The following IRGC variants were observed in gnomAD, a reference collection of about 807,000 sequenced individuals.
IRGC encodes immunity related GTPase cinema, also known as interferon-inducible GTPase 5.
Under a neutral mutation model 16.1 loss-of-function variants are expected in IRGC, and 4 were observed. The ratio of observed to expected loss-of-function variants is 0.25; its 90% CI spans 0.12 to 0.57. IRGC has a LOEUF of 0.57. IRGC is among the 20% of genes least tolerant of loss of function. The pLI, the probability that IRGC is intolerant of heterozygous loss-of-function variation, is 0.92. For missense variants in IRGC, 570 were observed against 643.9 expected, an observed-to-expected ratio of 0.89 and a Z score of 1.24; for synonymous variants, 307 against 299.5, an observed-to-expected ratio of 1.03 and a Z score of -0.26.
intron 1 of IRGC, 28 bp from the exon 2 acceptor site, chr19:43,718,465 G>A (rs761486353): frequency 6.7e-7 from 1 of 1,497,044 alleles, no homozygotes; most frequent in Non-Finnish European, 8.9e-7. Flanking sequence ...GGCCCAGGAG[G>A]TGTGAATGGC....
rs1968231105 is a variant in IRGC at position 43,719,327 on chromosome 19, CAGA to C, written c.778_780del (p.Lys260del). On this transcript the variant is annotated inframe_deletion, in exon 2 of 2. Coordinates refer to ENST00000244314, the MANE Select transcript of IRGC (RefSeq NM_019612.4). ...CCCCGACATCTCGCTGGAGGCCTTG[CAGA>C]AGAAGAAGGCCATGCTTCAAGAGCA... The C allele has an allele frequency of 1.9e-6, 3 of 1,611,372 alleles. No individual in the cohort carries two copies. The highest frequency in any genetic ancestry group is 1.3e-5 in the African/African-American group (1 of 75,042).
intron 1 of IRGC, among the ~76,000 whole-genome samples, chr19:43,717,867 A>G (rs1968194267): frequency 6.6e-6 from 1 of 152,188 alleles, no homozygotes; most frequent in Admixed American, 6.5e-5. Flanking sequence ...CGGAAGTTCA[A>G]GACCAGCTGG....
chr19:43,716,680 G>C (rs997651088), intron 1 of IRGC, among the ~76,000 whole-genome samples: 2 of 152,166 alleles, frequency 1.3e-5, no homozygotes, highest in African/African-American at 4.8e-5. Flanking sequence ...GGGGTGGAGT[G>C]GGGTAGCAGA....
chr19:43,718,659 G>A lies in IRGC; in HGVS notation c.101G>A (p.Gly34Asp). Residue 34 changes from glycine to aspartate, a missense_variant, in exon 2 of 2, where the codon GGT (glycine) becomes GAT (aspartate). Gly to Asp is a moderately conservative substitution (Grantham distance 94, BLOSUM62 -1). Transcript: ENST00000244314. ...LEALRTAFESGDLPQAASHLQ... is the reference protein window; with the variant it reads ...LEALRTAFESDDLPQAASHLQ... Reference sequence around the variant, plus strand: ...GCCCTGCGCACAGCCTTTGAGTCGGGTGACCTCCCCCAGGCCGCCTCTCAC... The same window carrying A: ...GCCCTGCGCACAGCCTTTGAGTCGGATGACCTCCCCCAGGCCGCCTCTCAC... The A allele has an allele frequency of 2.5e-6, 4 of 1,613,626 alleles. No individual in the cohort carries two copies. Among genetic ancestry groups the A allele is most frequent in the Non-Finnish European group, 3.4e-6 (4 of 1,180,018 alleles).
chr19:43,717,145 T>A (rs1312511135), intron 1 of IRGC, among the ~76,000 whole-genome samples: 1 of 151,932 alleles, frequency 6.6e-6, no homozygotes, highest in African/African-American at 2.4e-5. Flanking sequence ...AAATGACTCC[T>A]GGTGTCCAGG....
intron 1 of IRGC, among the ~76,000 whole-genome samples, chr19:43,717,670 T>C (rs1968191443): frequency 6.6e-6 from 1 of 152,232 alleles, no homozygotes; most frequent in Non-Finnish European, 1.5e-5. Context: ...TGAATGGGCC[T>C]GTACCACCCT....
At chr19:43,717,361 T>G (rs1440348026) in intron 1 of IRGC, among the ~76,000 whole-genome samples, 1 of 152,116 alleles carries the variant, frequency 6.6e-6, no homozygotes, top group Non-Finnish European at 1.5e-5. Context: ...ATAATGACGA[T>G]GATGGTGATG....
chr19:43,719,708 A>G lies in IRGC; in HGVS notation c.1150A>G (p.Met384Val). Residue 384 changes from methionine to valine, a missense_variant, in exon 2 of 2, where the codon ATG becomes GTG. Met to Val is a conservative substitution (Grantham distance 21, BLOSUM62 1). Transcript: ENST00000244314. ...CATCAGCTTTGGCGCTGTCTACACC[A>G]TGCTCCAGGGCTGCCTCAACGAGAT... ...GGISFGAVYT[M>V]LQGCLNEMAE... The G allele has an allele frequency of 3.1e-6, 5 of 1,612,776 alleles. No individual in the cohort carries two copies. The highest frequency in any genetic ancestry group is 4.2e-6 in the Non-Finnish European group (5 of 1,179,780).
intron 1 of IRGC, 62 bp from the exon 2 acceptor site, chr19:43,718,431 C>T: frequency 6.9e-7 from 1 of 1,457,814 alleles, no homozygotes; most frequent in Non-Finnish European, 9.0e-7. Flanking sequence ...TCCGTGGTAT[C>T]TGTCTCTCCC....
In IRGC at chr19:43,719,955, T is replaced by C. The variant is rs757791365; in HGVS notation, c.*5T>C. ...CACGACTCAGAAGAGAAATAAAGAG[T>C]GCAGCCCCGCCCCCCTGCCTCACCC... is the stretch of plus-strand genomic sequence containing the variant. On this transcript the variant is annotated 3_prime_UTR_variant, in exon 2 of 2. Coordinates refer to ENST00000244314, the MANE Select transcript of IRGC (RefSeq NM_019612.4). 1.9e-6 allele frequency: 3 copies of C among 1,612,014 alleles called. No individual in the cohort carries two copies. Among genetic ancestry groups the C allele is most frequent in the Non-Finnish European group, 2.5e-6 (3 of 1,179,894 alleles).
Position 43,716,904 on chromosome 19 carries a change from G to A in IRGC, c.-67+762G>A, listed in dbSNP as rs114276411. 4.1e-3 allele frequency among the ~76,000 whole-genome samples: 622 copies of A among 152,284 alleles called. 3 individuals are homozygous for A. Among genetic ancestry groups the A allele is most frequent in the African/African-American group, 0.014 (591 of 41,550 alleles). On this transcript the variant is annotated intron_variant, in intron 1 of 1. Coordinates refer to ENST00000244314, the MANE Select transcript of IRGC (RefSeq NM_019612.4). Reference sequence around the variant, plus strand: ...CTTCTCCCTGTCAAATGGGGACAGTGATCCCAGACATGAGCAGCTCTCCCA... The same window carrying A: ...CTTCTCCCTGTCAAATGGGGACAGTAATCCCAGACATGAGCAGCTCTCCCA...
chr19:43,718,768 C>T lies in IRGC; in HGVS notation c.210C>T (p.Leu70=). The change falls in exon 2 of 2, where the codon CTC becomes CTT. Residue 70 remains leucine (L), a synonymous_variant. Transcript: ENST00000244314. ...TGESGAGKSS[L]INALRGLEAE... is the part of the protein sequence containing the mutation. Reference sequence around the variant, plus strand: ...AGTCGGGCGCGGGCAAGTCCTCCCTCATCAATGCCCTGCGTGGCCTGGAGG... The same window carrying T: ...AGTCGGGCGCGGGCAAGTCCTCCCTTATCAATGCCCTGCGTGGCCTGGAGG... The T allele has an allele frequency of 6.2e-7, 1 of 1,612,944 alleles. No individual in the cohort carries two copies. Among genetic ancestry groups the T allele is most frequent in the South Asian group, 1.1e-5 (1 of 91,048 alleles).
rs1968245940 is a variant in IRGC at position 43,719,848 on chromosome 19, G to A, written c.1290G>A (p.Glu430=). The change falls in exon 2 of 2, where the codon GAG becomes GAA. Residue 430 remains glutamate, a synonymous_variant. Coordinates refer to ENST00000244314, the MANE Select transcript of IRGC (RefSeq NM_019612.4). The part of the protein sequence containing the change: ...DNGVEKGGSG[E]GGGEEAPLST... The stretch of plus-strand genomic sequence containing the variant: ...GCGTGGAAAAGGGGGGCTCCGGGGA[G>A]GGAGGTGGGGAGGAAGCCCCACTCT... 8 of 1,614,020 alleles carry A rather than the reference G, an allele frequency of 5.0e-6. No individual in the cohort carries two copies. Among genetic ancestry groups the A allele is most frequent in the East Asian group, 2.2e-5 (1 of 44,882 alleles).
chr19:43,716,638 G>A (rs73935063), intron 1 of IRGC, among the ~76,000 whole-genome samples: 2,385 of 152,230 alleles, frequency 0.016, 59 homozygotes, highest in African/African-American at 0.052. Context: ...ATGCCCAGCC[G>A]GGAACAATGT....
rs199780198 is a variant in IRGC at position 43,719,298 on chromosome 19, C to T, written c.740C>T (p.Ser247Leu). The stretch of plus-strand genomic sequence containing the variant: ...CACCGGCGCCACGCTGGCCTGCTGT[C>T]GCTCCCCGACATCTCGCTGGAGGCC... ...PSHRRHAGLL[S>L]LPDISLEALQ... The change falls in exon 2 of 2, where the codon TCG becomes TTG. Residue 247 changes from serine (S) to leucine (L), a missense_variant. Ser to Leu is a moderately radical substitution (Grantham distance 145, BLOSUM62 -2). Coordinates refer to ENST00000244314, the MANE Select transcript of IRGC (RefSeq NM_019612.4). The T allele has an allele frequency of 1.0e-4, 161 of 1,608,970 alleles. No homozygotes were observed. Among genetic ancestry groups the T allele is most frequent in the Non-Finnish European group, 1.3e-4 (154 of 1,177,116 alleles).
Position 43,719,591 on chromosome 19 carries a change from C to T in IRGC, c.1033C>T (p.Arg345Trp), listed in dbSNP as rs1303479833. Reference sequence around the variant, plus strand: ...CGAGGTCTCGCCTGAGACTGTCCTGCGGCTCTATTCCCAGTCGTCCGACGG... The same window carrying T: ...CGAGGTCTCGCCTGAGACTGTCCTGTGGCTCTATTCCCAGTCGTCCGACGG... ...ANEVSPETVL[R>W]LYSQSSDGAM... Residue 345 changes from arginine to tryptophan, a missense_variant, in exon 2 of 2, where the codon CGG (arginine) becomes TGG (tryptophan). Transcript: ENST00000244314. 4 of 1,602,504 alleles carry T rather than the reference C, an allele frequency of 2.5e-6. No individual in the cohort carries two copies. Among genetic ancestry groups the T allele is most frequent in the African/African-American group, 2.7e-5 (2 of 74,950 alleles).
chr19:43,719,531 G>C lies in IRGC; in HGVS notation c.973G>C (p.Asp325His). The change falls in exon 2 of 2, where the codon GAC becomes CAC. Residue 325 changes from aspartate (D) to histidine (H), a missense_variant. Physicochemically the swap from Asp to His is moderately conservative, Grantham distance 81. Transcript: ENST00000244314. ...LAEQVGKQAGDLRSVIRSPLA... is the reference protein window; with the variant it reads ...LAEQVGKQAGHLRSVIRSPLA... The stretch of plus-strand genomic sequence containing the variant: ...CGAGCAGGTGGGCAAACAGGCAGGT[G>C]ACCTGCGCTCGGTCATCCGCTCCCC... 1 of 1,603,094 alleles carries C rather than the reference G, an allele frequency of 6.2e-7. No homozygotes were observed. The highest frequency in any genetic ancestry group is 8.5e-7 in the Non-Finnish European group (1 of 1,179,684).
At position 43,719,916 on chromosome 19, in the gene IRGC, A is replaced by G. The variant is rs146686366; in HGVS notation, c.1358A>G (p.Asp453Gly). ...KLGLLLKYIL[D>G]SWKKHDSEEK ...GGCCTCCTTCTTAAGTACATTCTGG[A>G]CAGCTGGAAGAAACACGACTCAGAA... Residue 453 changes from aspartate (D) to glycine (G), a missense_variant, in exon 2 of 2, where the codon GAC becomes GGC. Physicochemically the swap from Asp to Gly is moderately conservative, Grantham distance 94 (BLOSUM62 -1). Transcript: ENST00000244314. 9 of 1,613,570 alleles carry G rather than the reference A, an allele frequency of 5.6e-6. No homozygotes were observed. Among genetic ancestry groups the G allele is most frequent in the African/African-American group, 5.3e-5 (4 of 75,020 alleles).
chr19:43,716,486 C>T (rs1037780215), intron 1 of IRGC, among the ~76,000 whole-genome samples: 1 of 151,914 alleles, frequency 6.6e-6, no homozygotes, highest in Non-Finnish European at 1.5e-5. Context: ...TACAGGCATG[C>T]GCCACAACAC....
Sources: allele counts gnomAD v4.1 joint callset (sites outside exome capture counted in the v4.1 genomes callset), GRCh38; gene constraint gnomAD v4.1.1; transcripts MANE v1.5; gene names NCBI Gene and HGNC (gene_info 2026-07-23, HGNC 2026-07-21).